ADAMTSL1: variants seen among roughly 807,000 people sequenced by gnomAD.
The protein encoded by ADAMTSL1 is ADAMTS-like protein 1.
In ADAMTSL1, 126 loss-of-function variants were observed where a neutral mutation model predicts 201.8. That is an observed-to-expected ratio of 0.62 (90% CI 0.54 to 0.72). The LOEUF is 0.72. Ranked by LOEUF, ADAMTSL1 falls within the 30% of genes least tolerant of loss-of-function variation. The probability of loss-of-function intolerance (pLI) is 0.00; values close to 1 mark genes in which losing one functional copy is unlikely to be tolerated. For synonymous variants in ADAMTSL1, 1,121 were observed against 903.4 expected (o/e 1.24, Z -4.32); for missense variants, 2,679 against 2,277.8 (o/e 1.18, Z -3.59).
intron 2 of ADAMTSL1, among the ~76,000 whole-genome samples, chr9:18,338,554 C>T (rs1194102251): frequency 6.6e-6 from 1 of 152,070 alleles, no homozygotes; most frequent in Non-Finnish European, 1.5e-5. Flanking sequence ...TCAAGCGATC[C>T]TCCTACCTCA....
chr9:18,513,712 A>G (rs1341376443), intron 2 of ADAMTSL1, among the ~76,000 whole-genome samples: 1 of 152,136 alleles, frequency 6.6e-6, no homozygotes, highest in Non-Finnish European at 1.5e-5. Context: ...TCACATGTGG[A>G]TATCCAGTTT....
chr9:18,339,811 T>C (rs922484021), intron 2 of ADAMTSL1, among the ~76,000 whole-genome samples: 1 of 152,096 alleles, frequency 6.6e-6, no homozygotes, highest in Non-Finnish European at 1.5e-5. Context: ...TTTAAATGTC[T>C]TCAAGATTGT....
Position 18,504,829 on chromosome 9 carries a change from A to G in ADAMTSL1, c.64A>G (p.Ser22Gly). Residue 22 changes from serine to glycine, a missense_variant and splice_region_variant, in exon 2 of 29, where the codon AGT becomes GGT. Transcript: ENST00000380548. ...LLLFLAFLLL[S>G]SRTARSEEDR... is the part of the protein sequence containing the mutation. ...CTGACCATTCTTTTGTTTCTCACAG[A>G]GTTCCAGGACCGCACGCTCCGAGGA... 6.2e-7 allele frequency: 1 copy of G among 1,614,188 alleles called. No homozygotes were observed. Among genetic ancestry groups the G allele is most frequent in the Non-Finnish European group, 8.5e-7 (1 of 1,180,022 alleles).
chr9:18,102,020 A>G (rs1275052005), intron 1 of ADAMTSL1, among the ~76,000 whole-genome samples: 1 of 152,196 alleles, frequency 6.6e-6, no homozygotes, highest in Non-Finnish European at 1.5e-5. Flanking sequence ...GTGTGTGGGC[A>G]TATTTTTATG....
chr9:18,542,067 G>C (rs1028134318), intron 3 of ADAMTSL1, among the ~76,000 whole-genome samples: 1 of 152,166 alleles, frequency 6.6e-6, no homozygotes, highest in African/African-American at 2.4e-5. Context: ...ACCTAATACA[G>C]AGCAGGGAGG....
intron 2 of ADAMTSL1, among the ~76,000 whole-genome samples, chr9:18,213,231 C>T (rs1829943782): frequency 6.6e-6 from 1 of 152,196 alleles, no homozygotes; most frequent in Non-Finnish European, 1.5e-5. Flanking sequence ...CACTATTAAA[C>T]TGCTAAAGCC....
intron 14 of ADAMTSL1, among the ~76,000 whole-genome samples, chr9:18,715,931 C>T (rs970660465): frequency 5.3e-5 from 8 of 151,536 alleles, no homozygotes; most frequent in South Asian, 2.1e-4. Context: ...GAAATAACGC[C>T]GCATATCTAC....
chr9:18,339,077 T>A (rs1019725551), intron 2 of ADAMTSL1, among the ~76,000 whole-genome samples: 1 of 152,116 alleles, frequency 6.6e-6, no homozygotes, highest in African/African-American at 2.4e-5. Flanking sequence ...AGTGCTGCAG[T>A]GAACATACTC....
intron 3 of ADAMTSL1, among the ~76,000 whole-genome samples, chr9:18,544,307 A>T (rs555190234): frequency 5.3e-5 from 8 of 152,224 alleles, no homozygotes; most frequent in Non-Finnish European, 7.3e-5. Flanking sequence ...TCACATCAGC[A>T]TTAAACATTT....
chr9:18,149,742 G>A (rs1001596748), intron 1 of ADAMTSL1, among the ~76,000 whole-genome samples: 1 of 152,040 alleles, frequency 6.6e-6, no homozygotes, highest in Non-Finnish European at 1.5e-5. Flanking sequence ...CAATGTGTTG[G>A]ACTGAAGAAA....
chr9:18,196,097 C>T (rs1829165409), intron 2 of ADAMTSL1, among the ~76,000 whole-genome samples: 1 of 152,028 alleles, frequency 6.6e-6, no homozygotes, highest in Non-Finnish European at 1.5e-5. Context: ...CAGCTTCATT[C>T]CAGGGACGTT....
At chr9:18,043,142 A>T (rs1388210853) in intron 1 of ADAMTSL1, among the ~76,000 whole-genome samples, 1 of 152,158 alleles carries the variant, frequency 6.6e-6, no homozygotes, top group African/African-American at 2.4e-5. Flanking sequence ...TACCTGGGAT[A>T]TTTACAATGG....
At chr9:18,255,999 C>G (rs562888435) in intron 2 of ADAMTSL1, among the ~76,000 whole-genome samples, 4 of 152,324 alleles carry the variant, frequency 2.6e-5, no homozygotes, top group African/African-American at 9.6e-5. Flanking sequence ...GTCTGGATGA[C>G]TACAACATTA....
intron 4 of ADAMTSL1, among the ~76,000 whole-genome samples, chr9:18,611,529 T>G (rs936021451): frequency 1.3e-5 from 2 of 152,086 alleles, no homozygotes; most frequent in African/African-American, 2.4e-5. Context: ...AGCAAAAAAT[T>G]TATGTAAGAA....
chr9:18,463,640 A>G (rs1235538061), intron 2 of ADAMTSL1, among the ~76,000 whole-genome samples: 2 of 152,140 alleles, frequency 1.3e-5, no homozygotes, highest in Admixed American at 6.5e-5. Context: ...AGAATCCTAC[A>G]TGTCTTCAAG....
chr9:18,370,715 A>G (rs1335180989), intron 2 of ADAMTSL1, among the ~76,000 whole-genome samples: 1 of 150,222 alleles, frequency 6.7e-6, no homozygotes, highest in African/African-American at 2.5e-5. Context: ...TTTTTAAGAA[A>G]GAAAGCACAG....
chr9:18,189,060 C>T (rs900882011), intron 2 of ADAMTSL1, among the ~76,000 whole-genome samples: 1 of 152,116 alleles, frequency 6.6e-6, no homozygotes, highest in African/African-American at 2.4e-5. Context: ...TGGTAATAGG[C>T]TTGAGTAAAT....
At chr9:18,732,815 A>C (rs920275700) in intron 15 of ADAMTSL1, among the ~76,000 whole-genome samples, 1 of 152,210 alleles carries the variant, frequency 6.6e-6, no homozygotes, top group Non-Finnish European at 1.5e-5. Context: ...TGACCTTCAC[A>C]GGTCATCTTT....
intron 1 of ADAMTSL1, among the ~76,000 whole-genome samples, chr9:17,933,945 G>T (rs1170586154): frequency 6.6e-6 from 1 of 152,046 alleles, no homozygotes; most frequent in African/African-American, 2.4e-5. Context: ...ATTTTTGGTG[G>T]GCTGTTTGGT....
Sources: gnomAD v4.1 joint callset for allele counts (sites outside exome capture counted in the v4.1 genomes callset) on GRCh38, gnomAD v4.1.1 for gene constraint, MANE v1.5 for transcripts, NCBI Gene and HGNC (gene_info 2026-07-23, HGNC 2026-07-21) for gene names.